Variants in RGL1 observed in about 807,000 individuals in gnomAD.
RGL1 encodes ral guanine nucleotide dissociation stimulator-like 1.
Under a neutral mutation model 95.2 loss-of-function variants are expected in RGL1, and 24 were observed. The ratio of observed to expected loss-of-function variants is 0.25; its 90% CI spans 0.18 to 0.35. The LOEUF (loss-of-function observed/expected upper bound fraction) is 0.35, where lower values mean the gene tolerates loss of function less well. RGL1 is among the 10% of genes least tolerant of loss of function. The probability of loss-of-function intolerance (pLI) is 1.00; values close to 1 mark genes in which losing one functional copy is unlikely to be tolerated. For synonymous variants in RGL1, 329 were observed against 344.9 expected (o/e 0.95, Z 0.51); for missense variants, 715 against 936.3 (o/e 0.76, Z 3.08).
rs534844695 is a variant in RGL1, at chr1:183,652,005, C to A, written c.-33+15504C>A. ...ACTTATGGGTGGTACACCGGACATC[C>A]AGGTTACTGCTCAGATTACAATTTC... On this transcript the variant is annotated intron_variant, in intron 1 of 18. Coordinates refer to the RGL1 transcript ENST00000304685. Among the ~76,000 whole-genome samples, 4 of 152,296 alleles carry A rather than the reference C, an allele frequency of 2.6e-5. No homozygotes were observed. In the South Asian group the frequency reaches 6.2e-4, roughly 24 times the overall value.
chr1:183,925,994 A>G, intron 17 of RGL1, 111 bp from the exon 18 acceptor site: 1 of 864,980 alleles, frequency 1.2e-6, no homozygotes, highest in South Asian at 2.0e-5. Context: ...CATTCCAGAG[A>G]TGAAGGGCCG....
At chr1:183,763,071 G>A (rs1658784674) in intron 2 of RGL1, among the ~76,000 whole-genome samples, 1 of 152,154 alleles carries the variant, frequency 6.6e-6, no homozygotes. Flanking sequence ...TAAAAAAGAT[G>A]AGTTCATGTC....
intron 1 of RGL1, among the ~76,000 whole-genome samples, chr1:183,731,919 C>G (rs1184128534): frequency 6.6e-6 from 1 of 152,142 alleles, no homozygotes; most frequent in Admixed American, 6.6e-5. Flanking sequence ...ACTCCCAGCT[C>G]AAGGGCCAAT....
In RGL1 at chr1:183,916,503, A is replaced by G. The variant is rs770979045; in HGVS notation, c.1806A>G (p.Ser602=). ...SSIHSMDTNS[S]GMSSLINPLS... ...TCCATTCCATGGACACAAATTCCTC[A>G]GGGATGTCTTCCTTAATCAACCCCC... Residue 602 remains serine (S), a synonymous_variant, in exon 16 of 18, where the codon TCA becomes TCG. Transcript: ENST00000360851. 8.7e-6 allele frequency: 14 copies of G among 1,613,222 alleles called. No individual in the cohort carries two copies. Among genetic ancestry groups the G allele is most frequent in the Non-Finnish European group, 1.1e-5 (13 of 1,179,940 alleles).
chr1:183,862,224 T>C (rs1158548196), intron 3 of RGL1, among the ~76,000 whole-genome samples: 1 of 152,128 alleles, frequency 6.6e-6, no homozygotes, highest in African/African-American at 2.4e-5. Context: ...GCATCTGTGG[T>C]CCCAGCTAGT....
In RGL1 at chr1:183,819,327, T is replaced by C. The variant is rs184281764; in HGVS notation, c.138+12842T>C. On this transcript the variant is annotated intron_variant, in intron 2 of 17. Coordinates refer to ENST00000360851, the MANE Select transcript of RGL1 (RefSeq NM_001297671.3). ...TATGTTGCAGGCTTGTCCTGTAGTG[T>C]ACTTTGTGTGGTGCACCTTTCTTAC... Among the ~76,000 whole-genome samples the C allele has an allele frequency of 5.1e-3, 771 of 152,344 alleles. 23 individuals are homozygous for C. The highest frequency in any genetic ancestry group is 0.045 in the Admixed American group (689 of 15,308).
intron 4 of RGL1, among the ~76,000 whole-genome samples, chr1:183,867,793 T>C (rs188787848): frequency 6.4e-4 from 98 of 152,284 alleles, no homozygotes; most frequent in Non-Finnish European, 1.0e-3. Context: ...GTGTTAAATA[T>C]TCATTTTGGG....
intron 2 of RGL1, among the ~76,000 whole-genome samples, chr1:183,757,274 G>GT (rs908847284): frequency 6.6e-6 from 1 of 152,180 alleles, no homozygotes; most frequent in African/African-American, 2.4e-5. Context: ...GGAGGAAATA[G>GT]TAAGTGTTCA....
chr1:183,710,472 G>T (rs2102172436), intron 1 of RGL1, among the ~76,000 whole-genome samples: 1 of 152,232 alleles, frequency 6.6e-6, no homozygotes, highest in Non-Finnish European at 1.5e-5. Context: ...TTTTGTTTTT[G>T]CATCCCCTGT....
chr1:183,927,870 T>C lies in RGL1; in HGVS notation c.*1578T>C, dbSNP rs1053400437. The C allele has an allele frequency of 6.6e-6, 1 of 152,632 alleles. No homozygotes were observed. The highest frequency in any genetic ancestry group is 1.5e-5 in the Non-Finnish European group (1 of 68,042). The allele number at this position is 152,632 out of a possible 1,614,324, so 9.5% of individuals were successfully genotyped here. A position where few individuals can be genotyped will look rare whatever the true frequency, so the allele number is the denominator to read the frequency against. On this transcript the variant is annotated 3_prime_UTR_variant, in exon 18 of 18. Coordinates refer to ENST00000360851, the MANE Select transcript of RGL1 (RefSeq NM_001297671.3). ...TCCTAAAAGTTGTGTGGGATTTGCGTTGCATAAATAGCCATGTGAATTCCA... is the reference window on the plus strand; with the variant it reads ...TCCTAAAAGTTGTGTGGGATTTGCGCTGCATAAATAGCCATGTGAATTCCA...
intron 1 of RGL1, among the ~76,000 whole-genome samples, chr1:183,694,530 A>G (rs1170626401): frequency 2.0e-5 from 3 of 152,192 alleles, no homozygotes; most frequent in Non-Finnish European, 4.4e-5. Flanking sequence ...AACCCTTGCT[A>G]TAGATCATTT....
chr1:183,868,036 A>G (rs1274460053), intron 4 of RGL1, among the ~76,000 whole-genome samples: 1 of 152,228 alleles, frequency 6.6e-6, no homozygotes, highest in African/African-American at 2.4e-5. Flanking sequence ...AGTGGGAGGA[A>G]CAATTCTTTT....
At chr1:183,720,440 C>T (rs1655955571) in intron 1 of RGL1, among the ~76,000 whole-genome samples, 1 of 152,160 alleles carries the variant, frequency 6.6e-6, no homozygotes, top group South Asian at 2.1e-4. Flanking sequence ...TATTTCATTC[C>T]CACTGGTCCA....
intron 1 of RGL1, among the ~76,000 whole-genome samples, chr1:183,663,546 TAAA>T (rs1651803902): frequency 6.6e-6 from 1 of 151,986 alleles, no homozygotes; most frequent in Non-Finnish European, 1.5e-5. Context: ...TGGCAATCAT[TAAA>T]AAGTCAGGAA....
chr1:183,653,239 T>A (rs1377641817), intron 1 of RGL1: 1 of 152,202 alleles, frequency 6.6e-6, no homozygotes, highest in Non-Finnish European at 1.5e-5. Flanking sequence ...ACAGTTTGTG[T>A]CTATTCGTTC....
intron 2 of RGL1, among the ~76,000 whole-genome samples, chr1:183,830,222 A>G (rs1558234258): frequency 6.6e-6 from 1 of 152,188 alleles, no homozygotes; most frequent in Non-Finnish European, 1.5e-5. Context: ...CTAGAATGAG[A>G]TGTTTATTTC....
chr1:183,881,820 C>T (rs1666840943), intron 5 of RGL1, among the ~76,000 whole-genome samples: 1 of 152,244 alleles, frequency 6.6e-6, no homozygotes, highest in East Asian at 1.9e-4. Flanking sequence ...ATGACTTCAT[C>T]TGCCAGGAAT....
intron 5 of RGL1, among the ~76,000 whole-genome samples, chr1:183,881,271 C>T (rs2102639626): frequency 6.6e-6 from 1 of 152,308 alleles, no homozygotes; most frequent in Admixed American, 6.5e-5. Context: ...TGATCCTGCC[C>T]TCCCAAAAGC....
In RGL1 at chr1:183,724,413, C is replaced by T. The variant is rs865882109; in HGVS notation, c.-32-17713C>T. Among the ~76,000 whole-genome samples, 20 of 152,262 alleles carry T rather than the reference C, an allele frequency of 1.3e-4. No homozygotes were observed. The highest frequency in any genetic ancestry group is 4.1e-4 in the African/African-American group (17 of 41,546). On this transcript the variant is annotated intron_variant, in intron 1 of 18. Coordinates refer to the RGL1 transcript ENST00000304685. This position sits in a 1 kb window ranked among gnomAD's most constrained non-coding sequence, Gnocchi z 4.1. ...TCTTGGACAGCATTTCTGGACGTCC[C>T]CTAGGCCAGAGGGGAGCCCACTTCC...
Sources: gnomAD v4.1 joint callset for allele counts (sites outside exome capture counted in the v4.1 genomes callset) on GRCh38, gnomAD v4.1.1 for gene constraint, Gnocchi (gnomAD v3.1) non-coding constraint, MANE v1.5 for transcripts, NCBI Gene and HGNC (gene_info 2026-07-23, HGNC 2026-07-21) for gene names.